The following AUTS2 variants were observed in gnomAD, a reference collection of about 807,000 sequenced individuals.
The protein encoded by AUTS2 is autism susceptibility gene 2 protein.
Under a neutral mutation model 112.4 loss-of-function variants are expected in AUTS2, and 17 were observed. The ratio of observed to expected loss-of-function variants is 0.15; its 90% CI spans 0.10 to 0.23. The LOEUF (loss-of-function observed/expected upper bound fraction) is 0.23, where lower values mean the gene tolerates loss of function less well. Among genes scored for constraint, AUTS2 ranks in the 10% least tolerant of loss-of-function variants. AUTS2 has a pLI of 1.00. For missense variants in AUTS2, 1,510 were observed against 1,701.6 expected, an observed-to-expected ratio of 0.89 and a Z score of 1.98; for synonymous variants, 751 against 702.7, an observed-to-expected ratio of 1.07 and a Z score of -1.09.
At chr7:70,727,622 A>G (rs1172920183) in intron 6 of AUTS2, among the ~76,000 whole-genome samples, 1 of 152,198 alleles carries the variant, frequency 6.6e-6, no homozygotes, top group Non-Finnish European at 1.5e-5. Flanking sequence ...TGCTGGGATT[A>G]CAGGCATGAA....
At chr7:70,288,984 T>C (rs1359541759) in intron 4 of AUTS2, among the ~76,000 whole-genome samples, 1 of 152,182 alleles carries the variant, frequency 6.6e-6, no homozygotes, top group Non-Finnish European at 1.5e-5. Context: ...TAGAGAATGC[T>C]GTCACTTCAA....
chr7:69,655,170 C>T (rs1231789813), intron 1 of AUTS2, among the ~76,000 whole-genome samples: 1 of 152,078 alleles, frequency 6.6e-6, no homozygotes, highest in African/African-American at 2.4e-5. Context: ...AACAATAATA[C>T]AGACATGAAG....
chr7:70,448,844 A>G (rs1796420342), intron 5 of AUTS2, among the ~76,000 whole-genome samples: 1 of 152,346 alleles, frequency 6.6e-6, no homozygotes, highest in Middle Eastern at 3.4e-3. Flanking sequence ...ATTGTTCATT[A>G]TAAAGGGGCT....
At chr7:69,998,810 A>G (rs945423858) in intron 2 of AUTS2, among the ~76,000 whole-genome samples, 1 of 152,196 alleles carries the variant, frequency 6.6e-6, no homozygotes, top group Non-Finnish European at 1.5e-5. Flanking sequence ...CCCCCTTACC[A>G]TATTTGGGGA....
At chr7:69,662,462 AC>A (rs1406595375) in intron 1 of AUTS2, among the ~76,000 whole-genome samples, 1 of 152,128 alleles carries the variant, frequency 6.6e-6, no homozygotes, top group Non-Finnish European at 1.5e-5. Flanking sequence ...CACACCAGAT[AC>A]CAGTAGCACC....
At chr7:70,713,843 C>T (rs141005347) in intron 6 of AUTS2, among the ~76,000 whole-genome samples, 395 of 151,442 alleles carry the variant, frequency 2.6e-3, no homozygotes, top group African/African-American at 8.8e-3. Flanking sequence ...TTGCAGTGAG[C>T]GGAGATCGCG....
chr7:69,670,492 T>A (rs1796267808), intron 1 of AUTS2, among the ~76,000 whole-genome samples: 1 of 137,662 alleles, frequency 7.3e-6, no homozygotes, highest in Admixed American at 7.8e-5. Context: ...GGATTGAGAG[T>A]GTGTCTGTTC....
chr7:70,038,010 A>G (rs946228428), intron 2 of AUTS2, among the ~76,000 whole-genome samples: 2 of 131,288 alleles, frequency 1.5e-5, no homozygotes, highest in African/African-American at 2.9e-5. Context: ...AGCCAAGTGA[A>G]AGAGTAGTGA....
chr7:70,131,509 G>C (rs952137803), intron 3 of AUTS2, among the ~76,000 whole-genome samples: 4 of 152,142 alleles, frequency 2.6e-5, no homozygotes, highest in Non-Finnish European at 4.4e-5. Flanking sequence ...TTTGGTGACT[G>C]TGTCTTCTAA....
intron 4 of AUTS2, among the ~76,000 whole-genome samples, chr7:70,371,202 G>A (rs1168726951): frequency 6.6e-6 from 1 of 152,108 alleles, no homozygotes; most frequent in Non-Finnish European, 1.5e-5. Flanking sequence ...AAATATACCA[G>A]CGTTCAGGCC....
chr7:70,632,733 A>G (rs909654726), intron 5 of AUTS2, among the ~76,000 whole-genome samples: 3 of 151,780 alleles, frequency 2.0e-5, no homozygotes, highest in Admixed American at 6.6e-5. Flanking sequence ...CTCCCTGAGC[A>G]TGGTTTTCCT....
chr7:70,787,486 T>A, intron 18 of AUTS2, 55 bp downstream of exon 18: 1 of 1,325,996 alleles, frequency 7.5e-7, no homozygotes. Flanking sequence ...CTATGCCAAG[T>A]ACCAGTGGAA....
At position 70,134,813 on chromosome 7, in the gene AUTS2, C is replaced by T. The variant is rs1806465509; in HGVS notation, c.660+242C>T. ...TTCCTAACGCCCAGGACATTAAGCT[C>T]CTTACCTGGCCATGTAAGGAGATAC... On this transcript the variant is annotated intron_variant, in intron 4 of 18. Coordinates refer to ENST00000342771, the MANE Select transcript of AUTS2 (RefSeq NM_015570.4). Among the ~76,000 whole-genome samples, 2 of 152,132 alleles carry T rather than the reference C, an allele frequency of 1.3e-5. 1 individual carries two copies. Among genetic ancestry groups the T allele is most frequent in the South Asian group, 4.1e-4 (2 of 4,832 alleles).
At chr7:69,811,620 G>A (rs756909455) in intron 1 of AUTS2, among the ~76,000 whole-genome samples, 4 of 151,986 alleles carry the variant, frequency 2.6e-5, no homozygotes, top group Non-Finnish European at 4.4e-5. Context: ...CCTTTCTTCT[G>A]TATAGACTTT....
chr7:69,609,335 A>G lies in AUTS2; in HGVS notation c.309+9373A>G, dbSNP rs535741850. 4.6e-5 allele frequency among the ~76,000 whole-genome samples: 7 copies of G among 152,342 alleles called. No homozygotes were observed. The South Asian group carries it at 1.5e-3, about 32-fold the overall frequency. ...GCTAAGAAATGTTCTGATTTACACA[A>G]TATCAAGAACCTTTAAAAAGCGTTG... On this transcript the variant is annotated intron_variant, in intron 1 of 18. Coordinates refer to ENST00000342771, the MANE Select transcript of AUTS2 (RefSeq NM_015570.4).
At chr7:70,339,047 G>A (rs1181060683) in intron 4 of AUTS2, among the ~76,000 whole-genome samples, 1 of 151,698 alleles carries the variant, frequency 6.6e-6, no homozygotes, top group Non-Finnish European at 1.5e-5. Flanking sequence ...TGTATTTTTA[G>A]TAGAGACAGG....
chr7:69,693,676 G>GTC (rs149717542), intron 1 of AUTS2, among the ~76,000 whole-genome samples: 154 of 151,378 alleles, frequency 1.0e-3, no homozygotes, highest in Non-Finnish European at 1.4e-3. Flanking sequence ...CTCTCTGTCT[G>GTC]TCTCTCTCTC....
At chr7:69,815,847 C>T (rs1235791380) in intron 1 of AUTS2, among the ~76,000 whole-genome samples, 1 of 152,198 alleles carries the variant, frequency 6.6e-6, no homozygotes. Context: ...CTACACATTT[C>T]AGCTGCGCAT....
At chr7:70,113,862 A>G (rs1275428724) in intron 2 of AUTS2, among the ~76,000 whole-genome samples, 2 of 152,230 alleles carry the variant, frequency 1.3e-5, no homozygotes, top group African/African-American at 4.8e-5. Context: ...CAGAATTGCT[A>G]TACCTTCATG....
Sources: allele counts gnomAD v4.1 joint callset (sites outside exome capture counted in the v4.1 genomes callset), GRCh38; gene constraint gnomAD v4.1.1; transcripts MANE v1.5; gene names NCBI Gene and HGNC (gene_info 2026-07-23, HGNC 2026-07-21).